MYO3A: variants seen among roughly 807,000 people sequenced by gnomAD.
MYO3A encodes the protein myosin-IIIa.
A neutral mutation model predicts 192.7 loss-of-function variants in MYO3A; 180 were observed. The ratio of observed to expected loss-of-function variants is 0.93; its 90% confidence interval spans 0.83 to 1.06. The LOEUF (loss-of-function observed/expected upper bound fraction) is 1.06, where lower values mean the gene tolerates loss of function less well. Among genes scored for constraint, MYO3A ranks in the 50% least tolerant of loss-of-function variants. The pLI, the probability that MYO3A is intolerant of heterozygous loss-of-function variation, is 0.00. For synonymous variants in MYO3A, 628 were observed against 645.3 expected, an observed-to-expected ratio of 0.97 and a Z score of 0.41; for missense variants, 1,896 against 1,905.0, an observed-to-expected ratio of 1.00 and a Z score of 0.09.
intron 10 of MYO3A, among the ~76,000 whole-genome samples, chr10:26,059,552 A>G (rs1834331445): frequency 2.0e-5 from 3 of 152,256 alleles, no homozygotes; most frequent in Non-Finnish European, 4.4e-5. Flanking sequence ...CTGGAATCCT[A>G]CTTCTACTTA....
chr10:26,169,999 T>C (rs1174388970), intron 28 of MYO3A, among the ~76,000 whole-genome samples: 1 of 152,248 alleles, frequency 6.6e-6, no homozygotes, highest in Non-Finnish European at 1.5e-5. Flanking sequence ...ATATTTGCTC[T>C]GTATTAACTT....
chr10:25,949,377 T>C (rs1368381426), intron 2 of MYO3A, among the ~76,000 whole-genome samples: 1 of 152,120 alleles, frequency 6.6e-6, no homozygotes, highest in Non-Finnish European at 1.5e-5. Flanking sequence ...TAATGAATGT[T>C]TCTGTTGGTT....
chr10:26,194,781 G>A (rs4749098), intron 32 of MYO3A, among the ~76,000 whole-genome samples: 1 of 152,020 alleles, frequency 6.6e-6, no homozygotes, highest in Non-Finnish European at 1.5e-5. Context: ...GCTGATTTCT[G>A]AATCTTGATC....
At chr10:26,112,151 A>G (rs772274687) in intron 17 of MYO3A, among the ~76,000 whole-genome samples, 2 of 152,248 alleles carry the variant, frequency 1.3e-5, no homozygotes, top group Non-Finnish European at 2.9e-5. Flanking sequence ...ATAATTATTT[A>G]TTTCAAACTG....
chr10:26,022,848 A>G (rs1176720109), intron 8 of MYO3A: 1 of 152,232 alleles, frequency 6.6e-6, no homozygotes, highest in Non-Finnish European at 1.5e-5. Context: ...CCTAGGTAAC[A>G]GGCAATGTGC....
chr10:26,172,818 G>A (rs1842114647), intron 29 of MYO3A, among the ~76,000 whole-genome samples: 1 of 152,114 alleles, frequency 6.6e-6, no homozygotes, highest in Non-Finnish European at 1.5e-5. Context: ...TAGAAAAATG[G>A]AATCCCGGTA....
chr10:26,102,914 AC>A (rs973295725), intron 17 of MYO3A, among the ~76,000 whole-genome samples: 48 of 151,960 alleles, frequency 3.2e-4, no homozygotes, highest in African/African-American at 1.2e-3. Context: ...GAGAACCACT[AC>A]TCTCTTCAAA....
At position 26,173,747 on chromosome 10, in the gene MYO3A, A is replaced by G. The variant is rs141444495; in HGVS notation, c.3483A>G (p.Val1161=). 6.2e-6 allele frequency: 10 copies of G among 1,613,800 alleles called. No individual in the cohort carries two copies. The highest frequency in any genetic ancestry group is 8.5e-6 in the Non-Finnish European group (10 of 1,179,698). The change falls in exon 30 of 35, where the codon GTA becomes GTG. Residue 1161 remains valine, a synonymous_variant. Coordinates refer to ENST00000642920, the MANE Select transcript of MYO3A (RefSeq NM_017433.5). ...FISAPNNKGS[V]SVVKTSTFKP... ...CAGCTCCAAATAATAAAGGAAGTGT[A>G]TCTGTAGTGAAGACTTCCACTTTCA...
intron 31 of MYO3A, among the ~76,000 whole-genome samples, chr10:26,180,528 A>G (rs1381952127): frequency 1.3e-5 from 2 of 152,162 alleles, no homozygotes; most frequent in Admixed American, 1.3e-4. Flanking sequence ...CAGCAAAGAG[A>G]AGCTTTTTCA....
At position 26,145,354 on chromosome 10, in the gene MYO3A, T is replaced by C. The variant is rs536096491; in HGVS notation, c.2417-92T>C. 114 of 871,338 alleles carry C rather than the reference T, an allele frequency of 1.3e-4. 1 individual carries two copies. The highest frequency in any genetic ancestry group is 2.1e-4 in the South Asian group (15 of 70,904). The allele number at this position is 871,338 out of a possible 1,614,324, so 54.0% of individuals were successfully genotyped here. Reference sequence around the variant, plus strand: ...GCTATGTAAAATTTTCTTTGTTCACTGCACATTGTCCTTTTTATGGTAAAT... The same window carrying C: ...GCTATGTAAAATTTTCTTTGTTCACCGCACATTGTCCTTTTTATGGTAAAT... On this transcript the variant is annotated intron_variant, in intron 21 of 34. Coordinates refer to ENST00000642920, the MANE Select transcript of MYO3A (RefSeq NM_017433.5).
At chr10:26,190,746 T>G (rs1418348992) in intron 31 of MYO3A, among the ~76,000 whole-genome samples, 1 of 152,190 alleles carries the variant, frequency 6.6e-6, no homozygotes, top group Non-Finnish European at 1.5e-5. Context: ...ATAAAGGACC[T>G]TTGGATTTGT....
At chr10:26,106,617 T>C (rs928653628) in intron 17 of MYO3A, among the ~76,000 whole-genome samples, 7 of 152,112 alleles carry the variant, frequency 4.6e-5, no homozygotes, top group Non-Finnish European at 8.8e-5. Flanking sequence ...TTGCTATTTT[T>C]TTGGAAAAGA....
intron 17 of MYO3A, among the ~76,000 whole-genome samples, chr10:26,108,277 G>T (rs993405122): frequency 6.6e-6 from 1 of 152,078 alleles, no homozygotes; most frequent in Non-Finnish European, 1.5e-5. Flanking sequence ...GTTGAATTTT[G>T]ATTTCATTTT....
Position 26,024,007 on chromosome 10 carries a change from T to C in MYO3A, c.732-15T>C, listed in dbSNP as rs1381657697. The stretch of plus-strand genomic sequence containing the variant: ...ACCAATATACAGAATCCAACATTGA[T>C]TCTTATTTTTCTAGGAATCCACCCC... On this transcript the variant is annotated splice_polypyrimidine_tract_variant and intron_variant, in intron 8 of 34. Transcript: ENST00000642920. 6.2e-7 allele frequency: 1 copy of C among 1,608,230 alleles called. No individual in the cohort carries two copies. Among genetic ancestry groups the C allele is most frequent in the Non-Finnish European group, 8.5e-7 (1 of 1,174,906 alleles).
At chr10:26,056,354 G>C (rs997603866) in intron 10 of MYO3A, among the ~76,000 whole-genome samples, 5 of 152,126 alleles carry the variant, frequency 3.3e-5, no homozygotes, top group Admixed American at 6.5e-5. Flanking sequence ...ACTAAAAAAG[G>C]TATGATATAT....
intron 14 of MYO3A, among the ~76,000 whole-genome samples, chr10:26,084,892 T>A (rs1319973563): frequency 6.6e-6 from 1 of 152,256 alleles, no homozygotes; most frequent in East Asian, 1.9e-4. Flanking sequence ...AGCCACCTTA[T>A]CCTAGGCTTT....
At chr10:26,088,075 C>A in intron 14 of MYO3A, 128 bp from the exon 15 acceptor site, 1 of 736,956 alleles carries the variant, frequency 1.4e-6, no homozygotes, top group Non-Finnish European at 2.2e-6. Flanking sequence ...GTAACATCTG[C>A]CAATATATCA....
intron 34 of MYO3A, 21 bp from the exon 35 acceptor site, chr10:26,211,822 G>C: frequency 4.3e-6 from 7 of 1,613,926 alleles, no homozygotes; most frequent in Non-Finnish European, 5.9e-6. Flanking sequence ...TTGACACTTG[G>C]GCCCTGGGTT....
At chr10:26,011,111 C>G (rs1301901359) in intron 6 of MYO3A, among the ~76,000 whole-genome samples, 1 of 152,080 alleles carries the variant, frequency 6.6e-6, no homozygotes. Flanking sequence ...CTCCCTGGCT[C>G]ACAGGTCTAT....
Sources: gnomAD v4.1 joint callset for allele counts (sites outside exome capture counted in the v4.1 genomes callset) on GRCh38, gnomAD v4.1.1 for gene constraint, MANE v1.5 for transcripts, NCBI Gene and HGNC (gene_info 2026-07-23, HGNC 2026-07-21) for gene names.